The following LARS2 variants were observed in gnomAD, a reference collection of about 807,000 sequenced individuals.
LARS2 encodes leucyl-tRNA synthetase 2, mitochondrial, also known as leucine--tRNA ligase, mitochondrial.
LARS2 carries 81 observed loss-of-function variants against 116.6 expected under a neutral mutation model. The ratio of observed to expected loss-of-function variants is 0.69; its 90% CI spans 0.58 to 0.84. The LOEUF is 0.84. LARS2 is among the 40% of genes least tolerant of loss of function. LARS2 has a pLI of 0.00. For synonymous variants in LARS2, 396 were observed against 407.2 expected (o/e 0.97, Z 0.33); for missense variants, 968 against 1,114.5 (o/e 0.87, Z 1.87).
intron 20 of LARS2, among the ~76,000 whole-genome samples, chr3:45,537,678 C>T (rs370974431): frequency 6.6e-6 from 1 of 152,172 alleles, no homozygotes; most frequent in Non-Finnish European, 1.5e-5. Context: ...GATCGGACGC[C>T]GCAGAGTCCC....
intron 15 of LARS2, among the ~76,000 whole-genome samples, chr3:45,508,824 G>A (rs574532935): frequency 1.3e-5 from 2 of 151,588 alleles, no homozygotes; most frequent in South Asian, 4.2e-4. Context: ...CTAATAATTA[G>A]CAACTCCCTT....
chr3:45,451,411 C>T (rs1699125730), intron 7 of LARS2, among the ~76,000 whole-genome samples: 1 of 151,692 alleles, frequency 6.6e-6, no homozygotes, highest in Admixed American at 6.6e-5. Flanking sequence ...AGTTTCATTC[C>T]TCTGTATATG....
At chr3:45,482,390 G>C (rs529062330) in intron 10 of LARS2, among the ~76,000 whole-genome samples, 51 of 152,074 alleles carry the variant, frequency 3.4e-4, no homozygotes, top group African/African-American at 1.1e-3. Context: ...GGGTTCTTTT[G>C]GTCAAAGGTT....
At chr3:45,497,555 C>T (rs1174355003) in intron 14 of LARS2, among the ~76,000 whole-genome samples, 1 of 152,156 alleles carries the variant, frequency 6.6e-6, no homozygotes, top group African/African-American at 2.4e-5. Flanking sequence ...TGCCCTCACC[C>T]TGCCAGAATT....
chr3:45,409,809 A>G (rs562367340), intron 4 of LARS2, among the ~76,000 whole-genome samples: 1 of 152,334 alleles, frequency 6.6e-6, no homozygotes, highest in South Asian at 2.1e-4. Flanking sequence ...CCTTCCCACA[A>G]TCTGATTCTG....
intron 10 of LARS2, among the ~76,000 whole-genome samples, chr3:45,483,014 A>G (rs966880341): frequency 1.3e-5 from 2 of 152,208 alleles, no homozygotes; most frequent in East Asian, 1.9e-4. Context: ...GCTTCTGCAC[A>G]TCCTCCATGG....
chr3:45,526,353 T>C (rs1450667899), intron 20 of LARS2, among the ~76,000 whole-genome samples: 1 of 152,118 alleles, frequency 6.6e-6, no homozygotes, highest in Non-Finnish European at 1.5e-5. Context: ...TTGTGGCACT[T>C]AAAAAGATAT....
chr3:45,531,323 A>G (rs1700611059), intron 20 of LARS2, among the ~76,000 whole-genome samples: 1 of 152,192 alleles, frequency 6.6e-6, no homozygotes, highest in Admixed American at 6.5e-5. Context: ...TATGAGGAAA[A>G]TAACTCATTA....
In LARS2 at chr3:45,508,219, C is replaced by G. The variant is rs115089777; in HGVS notation, c.1761-4916C>G. 5.5e-4 allele frequency among the ~76,000 whole-genome samples: 83 copies of G among 152,130 alleles called. 1 individual carries two copies. The highest frequency in any genetic ancestry group is 1.9e-3 in the African/African-American group (78 of 41,532). ...GAAGCAAGCAGCTGCTCAGGGAGCT[C>G]CCATGAGAAGGGCAGGCCGCCTGCT... On this transcript the variant is annotated intron_variant, in intron 15 of 21. Transcript: ENST00000645846.
chr3:45,456,131 T>C (rs1699209601), intron 7 of LARS2, among the ~76,000 whole-genome samples: 1 of 152,094 alleles, frequency 6.6e-6, no homozygotes, highest in South Asian at 2.1e-4. Context: ...TATTTCGAGA[T>C]AACTGAAAGA....
intron 6 of LARS2, among the ~76,000 whole-genome samples, chr3:45,426,660 A>T (rs540057194): frequency 1.1e-4 from 17 of 152,182 alleles, no homozygotes; most frequent in East Asian, 1.9e-4. Context: ...AGTTGACCTC[A>T]TGAGGAGCTG....
At chr3:45,496,232 A>G (rs773768058) in intron 13 of LARS2, 43 bp from the exon 14 acceptor site, 9 of 1,468,406 alleles carry the variant, frequency 6.1e-6, no homozygotes, top group Non-Finnish European at 8.6e-6. Flanking sequence ...ACTGCATTAA[A>G]ATTTAAAAAG....
chr3:45,526,962 C>T (rs767773989), intron 20 of LARS2, among the ~76,000 whole-genome samples: 1 of 152,154 alleles, frequency 6.6e-6, no homozygotes, highest in Admixed American at 6.5e-5. Context: ...TCAGCATGAA[C>T]GTAGTTCCCA....
In LARS2 at chr3:45,496,311, G is replaced by T; in HGVS notation, c.1560G>T (p.Met520Ile). The stretch of plus-strand genomic sequence containing the variant: ...CAGCCAAGAGAGAGACAGACACGAT[G>T]GATACCTTTGTTGATTCTGCTTGGT... ...KGAAKRETDT[M>I]DTFVDSAWYY... Residue 520 changes from methionine (M) to isoleucine (I), a missense_variant, in exon 14 of 22, where the codon ATG becomes ATT. By Grantham distance (10) the Met-to-Ile change is conservative (BLOSUM62 1). Transcript: ENST00000645846. 1 of 1,614,106 alleles carries T rather than the reference G, an allele frequency of 6.2e-7. No individual in the cohort carries two copies. The highest frequency in any genetic ancestry group is 1.7e-5 in the Admixed American group (1 of 60,010).
Position 45,417,502 on chromosome 3 carries a change from G to A in LARS2, c.384G>A (p.Trp128Ter), listed in dbSNP as rs761346966. ...CCTAGGTCATCAACCCCATGGGATG[G>A]GATGCTTTTGGATTGCCTGCTGAAA... is the stretch of plus-strand genomic sequence containing the variant. ...RGMQVINPMG[W>*]DAFGLPAENA... is the part of the protein sequence containing the mutation. Residue 128 changes from tryptophan to a stop codon, truncating the protein, a stop_gained, in exon 5 of 22, where the codon TGG (tryptophan) becomes TGA (stop). Transcript: ENST00000645846. LOFTEE classifies it high-confidence loss of function. The A allele has an allele frequency of 2.5e-6, 4 of 1,614,056 alleles. No individual in the cohort carries two copies. The highest frequency in any genetic ancestry group is 1.7e-6 in the Non-Finnish European group (2 of 1,179,912).
intron 19 of LARS2, among the ~76,000 whole-genome samples, chr3:45,522,879 C>A (rs902316470): frequency 1.4e-5 from 2 of 145,346 alleles, no homozygotes; most frequent in African/African-American, 5.0e-5. Flanking sequence ...TAGTGAGATA[C>A]CCCATCTCTA....
At chr3:45,441,527 G>T (rs1698911887) in intron 6 of LARS2, among the ~76,000 whole-genome samples, 1 of 152,214 alleles carries the variant, frequency 6.6e-6, no homozygotes, top group Admixed American at 6.5e-5. Flanking sequence ...GATGGCTCCA[G>T]GGTCTTTCCT....
chr3:45,541,307 C>T (rs758352265), intron 20 of LARS2, among the ~76,000 whole-genome samples: 45 of 152,180 alleles, frequency 3.0e-4, no homozygotes, highest in Non-Finnish European at 4.4e-4. Flanking sequence ...ACGGAGGGCT[C>T]CTCTCCCGAG....
At position 45,485,637 on chromosome 3, in the gene LARS2, A is replaced by G; in HGVS notation, c.1019-55A>G. 6.5e-6 allele frequency: 6 copies of G among 918,636 alleles called. 1 individual carries two copies. In the South Asian group the frequency reaches 9.7e-5, roughly 15 times the overall value. 56.9% of individuals were successfully genotyped at this position (918,636 alleles called of 1,614,324 possible). A position where few individuals can be genotyped will look rare whatever the true frequency, so the allele number is the denominator to read the frequency against. On this transcript the variant is annotated intron_variant, in intron 10 of 21. Coordinates refer to ENST00000645846, the MANE Select transcript of LARS2 (RefSeq NM_015340.4). ...CTCACTTGTTTCCTCTGAGATTCAGATGGTGTTGGTGTCTCAGTTGAGTGG... is the reference window on the plus strand; with the variant it reads ...CTCACTTGTTTCCTCTGAGATTCAGGTGGTGTTGGTGTCTCAGTTGAGTGG...
Sources: gnomAD v4.1 joint callset for allele counts (sites outside exome capture counted in the v4.1 genomes callset) on GRCh38, gnomAD v4.1.1 for gene constraint, MANE v1.5 for transcripts, NCBI Gene and HGNC (gene_info 2026-07-23, HGNC 2026-07-21) for gene names.